The following BTBD9 variants were observed in gnomAD, a reference collection of about 807,000 sequenced individuals.
BTBD9 encodes the protein BTB domain containing 9.
BTBD9 carries 49 observed loss-of-function variants against 64.3 expected under a neutral mutation model. That is an observed-to-expected ratio of 0.76 (90% CI 0.61 to 0.97). BTBD9 has a LOEUF of 0.97. Ranked by LOEUF, BTBD9 falls within the 50% of genes least tolerant of loss-of-function variation. The probability of loss-of-function intolerance (pLI) is 0.00; values close to 1 mark genes in which losing one functional copy is unlikely to be tolerated. For synonymous variants in BTBD9, 260 were observed against 274.7 expected (o/e 0.95, Z 0.53); for missense variants, 598 against 762.1 (o/e 0.78, Z 2.53).
intron 7 of BTBD9, among the ~76,000 whole-genome samples, chr6:38,294,310 A>G (rs533732071): frequency 1.3e-5 from 2 of 152,346 alleles, no homozygotes; most frequent in Admixed American, 6.5e-5. Flanking sequence ...CAGCCATCTC[A>G]TTACTGGGTA....
At chr6:38,422,494 A>G (rs1343632206) in intron 6 of BTBD9, among the ~76,000 whole-genome samples, 1 of 152,114 alleles carries the variant, frequency 6.6e-6, no homozygotes, top group East Asian at 1.9e-4. Context: ...TTTTCTATAA[A>G]TTTTATTTCA....
At chr6:38,424,772 C>T (rs1445650931) in intron 6 of BTBD9, among the ~76,000 whole-genome samples, 1 of 151,974 alleles carries the variant, frequency 6.6e-6, no homozygotes, top group Non-Finnish European at 1.5e-5. Flanking sequence ...CTGCCTCAGC[C>T]TCCCAAAGGC....
chr6:38,548,858 A>G (rs1366774475), intron 6 of BTBD9, among the ~76,000 whole-genome samples: 1 of 152,242 alleles, frequency 6.6e-6, no homozygotes, highest in Non-Finnish European at 1.5e-5. Context: ...TGAGCAATAA[A>G]TCCATAAGGA....
intron 6 of BTBD9, among the ~76,000 whole-genome samples, chr6:38,377,730 T>C (rs930126383): frequency 3.9e-5 from 6 of 152,204 alleles, no homozygotes; most frequent in African/African-American, 4.8e-5. Flanking sequence ...TCAAAGAAGA[T>C]TGATGTTCCT....
intron 6 of BTBD9, among the ~76,000 whole-genome samples, chr6:38,500,111 C>T (rs956821827): frequency 6.6e-6 from 1 of 152,152 alleles, no homozygotes; most frequent in East Asian, 1.9e-4. Context: ...TGGTCTGAAT[C>T]CAGCAGAAAA....
Position 38,222,726 on chromosome 6 carries a change from G to T in BTBD9, c.1563-30129C>A, listed in dbSNP as rs563092032. Among the ~76,000 whole-genome samples, 5 of 152,036 alleles carry T rather than the reference G, an allele frequency of 3.3e-5. No individual in the cohort carries two copies. In the East Asian group the frequency reaches 9.7e-4, roughly 29 times the overall value. On this transcript the variant is annotated intron_variant, in intron 9 of 10. Coordinates refer to ENST00000481247, the MANE Select transcript of BTBD9 (RefSeq NM_001099272.2). ...ACACCTAAGGGTAAAAGGTAGCCAG[G>T]GCATGGGAACTATTTAGCAAAAATA...
intron 9 of BTBD9, among the ~76,000 whole-genome samples, chr6:38,251,460 T>C (rs1764399990): frequency 6.6e-6 from 1 of 151,972 alleles, no homozygotes; most frequent in South Asian, 2.1e-4. Flanking sequence ...AGACAGGGCT[T>C]CATCATGTTA....
intron 6 of BTBD9, among the ~76,000 whole-genome samples, chr6:38,479,705 G>A (rs1210182013): frequency 1.3e-5 from 2 of 152,108 alleles, no homozygotes; most frequent in Non-Finnish European, 2.9e-5. Context: ...TCAAGTTATA[G>A]GGGGCACTAA....
intron 6 of BTBD9, among the ~76,000 whole-genome samples, chr6:38,484,869 T>C (rs73426885): frequency 0.13 from 19,680 of 152,162 alleles, 1,712 homozygotes; most frequent in East Asian, 0.34. Flanking sequence ...ATCAGGGTGG[T>C]GGTTGCTGAA....
chr6:38,242,687 A>T (rs1764043055), intron 9 of BTBD9, among the ~76,000 whole-genome samples: 1 of 152,196 alleles, frequency 6.6e-6, no homozygotes, highest in African/African-American at 2.4e-5. Context: ...TTTCCTTCAC[A>T]ATGTATTAAT....
intron 6 of BTBD9, among the ~76,000 whole-genome samples, chr6:38,445,101 G>A (rs924163192): frequency 6.6e-6 from 1 of 152,132 alleles, no homozygotes. Context: ...CTGTGATCAT[G>A]GAAGCATGTA....
intron 1 of BTBD9, among the ~76,000 whole-genome samples, chr6:38,614,966 G>T (rs949295894): frequency 6.6e-6 from 1 of 152,130 alleles, no homozygotes; most frequent in Admixed American, 6.5e-5. Flanking sequence ...GGTATTCCAC[G>T]GCTCTTATCG....
chr6:38,555,965 AGG>A (rs1306497676), intron 6 of BTBD9, among the ~76,000 whole-genome samples: 2 of 152,260 alleles, frequency 1.3e-5, no homozygotes, highest in African/African-American at 4.8e-5. Flanking sequence ...TAGAATTCAC[AGG>A]GATGAATGTT....
At chr6:38,638,678 A>C (rs1778614784) in intron 1 of BTBD9, among the ~76,000 whole-genome samples, 2 of 152,250 alleles carry the variant, frequency 1.3e-5, no homozygotes, top group Non-Finnish European at 2.9e-5. Context: ...ATGAAACAGA[A>C]TCATAGAATT....
intron 6 of BTBD9, among the ~76,000 whole-genome samples, chr6:38,541,847 T>A (rs1184068280): frequency 6.6e-6 from 1 of 152,234 alleles, no homozygotes; most frequent in Non-Finnish European, 1.5e-5. Flanking sequence ...GAAAGTTTAA[T>A]ATAAAGTCAG....
At chr6:38,282,090 G>C (rs1428789201) in intron 8 of BTBD9, among the ~76,000 whole-genome samples, 3 of 152,204 alleles carry the variant, frequency 2.0e-5, no homozygotes, top group Non-Finnish European at 4.4e-5. Context: ...TAAGGCGACA[G>C]AGGGACTATA....
intron 9 of BTBD9, among the ~76,000 whole-genome samples, chr6:38,238,028 C>G (rs1350230946): frequency 1.3e-5 from 2 of 152,072 alleles, no homozygotes. Context: ...GCCTATAGTC[C>G]CAGCTACCTG....
intron 6 of BTBD9, among the ~76,000 whole-genome samples, chr6:38,528,084 T>C (rs1773591961): frequency 6.6e-6 from 1 of 152,150 alleles, no homozygotes; most frequent in Non-Finnish European, 1.5e-5. Context: ...CATGGCCATG[T>C]GGCACAAAGA....
At chr6:38,328,994 G>C (rs1388768702) in intron 7 of BTBD9, among the ~76,000 whole-genome samples, 1 of 148,368 alleles carries the variant, frequency 6.7e-6, no homozygotes, top group Non-Finnish European at 1.5e-5. Flanking sequence ...GTGTGTGTGT[G>C]TGTGTGTGTG....
Sources: gnomAD v4.1 joint callset for allele counts (sites outside exome capture counted in the v4.1 genomes callset) on GRCh38, gnomAD v4.1.1 for gene constraint, MANE v1.5 for transcripts, NCBI Gene and HGNC (gene_info 2026-07-23, HGNC 2026-07-21) for gene names.